The following TCEA3 variants were observed in gnomAD, a reference collection of about 807,000 sequenced individuals.
TCEA3 encodes the protein transcription elongation factor A protein 3.
In TCEA3, 36 loss-of-function variants were observed where a neutral mutation model predicts 44.0. That is an observed-to-expected ratio of 0.82 (90% CI 0.63 to 1.08). TCEA3 has a LOEUF of 1.08. Ranked by LOEUF, TCEA3 falls within the 50% of genes least tolerant of loss-of-function variation. TCEA3 has a pLI of 0.00. For synonymous variants in TCEA3, 162 were observed against 159.7 expected, an observed-to-expected ratio of 1.01 and a Z score of -0.11; for missense variants, 392 against 441.2, an observed-to-expected ratio of 0.89 and a Z score of 1.00.
chr1:23,423,943 C>G (rs1265259408), intron 1 of TCEA3: 2 of 449,630 alleles, frequency 4.4e-6, no homozygotes, highest in Non-Finnish European at 8.9e-6. Context: ...CCCGCGGGCC[C>G]CCGCACCTGT....
chr1:23,422,856 G>T (rs1037231852), intron 1 of TCEA3, among the ~76,000 whole-genome samples: 1 of 152,176 alleles, frequency 6.6e-6, no homozygotes, highest in Non-Finnish European at 1.5e-5. Context: ...AAAGGAGTGA[G>T]GGGGAGGCCA....
chr1:23,389,026 T>C (rs1352267248), intron 8 of TCEA3, among the ~76,000 whole-genome samples: 4 of 152,132 alleles, frequency 2.6e-5, no homozygotes, highest in African/African-American at 9.7e-5. Context: ...TTCTGGTACG[T>C]ATTAATGTTT....
intron 9 of TCEA3, 131 bp from the exon 10 acceptor site, chr1:23,384,548 C>T: frequency 1.2e-6 from 1 of 869,272 alleles, no homozygotes; most frequent in Non-Finnish European, 1.8e-6. Context: ...CTGGCAATTT[C>T]CTTATCACTG....
intron 5 of TCEA3, chr1:23,403,607 C>T (rs746822590): frequency 6.3e-6 from 1 of 158,060 alleles, no homozygotes; most frequent in Non-Finnish European, 1.4e-5. Context: ...TTTTACAGAT[C>T]AGTAGACTGA....
intron 10 of TCEA3, chr1:23,383,847 C>T: frequency 1.4e-5 from 14 of 987,962 alleles, no homozygotes; most frequent in Non-Finnish European, 1.6e-5. Context: ...GTCTGAGTTA[C>T]AGACTTGGGT....
In TCEA3 at chr1:23,417,971, C is replaced by T. The variant is rs1313737621; in HGVS notation, c.171G>A (p.Lys57=). ...ACACCACCTCCTTGTCTGAGCAGTGCTTGCGGACCCCATTAACAGCAACTC... is the reference window on the plus strand; with the variant it reads ...ACACCACCTCCTTGTCTGAGCAGTGTTTGCGGACCCCATTAACAGCAACTC... The part of the protein sequence containing the change: ...RIGVAVNGVR[K]HCSDKEVVSL... Residue 57 remains lysine (K), a synonymous_variant, in exon 3 of 11, where the codon AAG becomes AAA. Transcript: ENST00000450454. 2 of 1,614,082 alleles carry T rather than the reference C, an allele frequency of 1.2e-6. No homozygotes were observed. The highest frequency in any genetic ancestry group is 1.7e-6 in the Non-Finnish European group (2 of 1,179,898).
intron 7 of TCEA3, among the ~76,000 whole-genome samples, chr1:23,397,224 A>G (rs902796665): frequency 5.9e-5 from 9 of 151,948 alleles, no homozygotes; most frequent in Admixed American, 2.0e-4. Flanking sequence ...CTCTGCTACT[A>G]CTGTTAGCTG....
intron 1 of TCEA3, among the ~76,000 whole-genome samples, 196 bp downstream of exon 1, chr1:23,424,369 A>G (rs1640155282): frequency 6.6e-6 from 1 of 151,398 alleles, no homozygotes; most frequent in Admixed American, 6.6e-5. Context: ...GTCCTGGGCC[A>G]CGCACACGCC....
intron 4 of TCEA3, among the ~76,000 whole-genome samples, chr1:23,408,944 C>G (rs143274977): frequency 5.3e-5 from 8 of 152,264 alleles, no homozygotes; most frequent in African/African-American, 1.9e-4. Context: ...GGAAGGAAGT[C>G]GATATCTGCC....
intron 10 of TCEA3, among the ~76,000 whole-genome samples, chr1:23,382,050 T>C (rs1638684421): frequency 4.5e-5 from 1 of 22,304 alleles, no homozygotes; most frequent in African/African-American, 5.4e-5. Flanking sequence ...TCACTCCCAA[T>C]TTTTTTTTTT....
At chr1:23,419,539 A>T (rs1025625206) in intron 1 of TCEA3, among the ~76,000 whole-genome samples, 1 of 152,140 alleles carries the variant, frequency 6.6e-6, no homozygotes, top group Non-Finnish European at 1.5e-5. Context: ...CTTTTAAAAA[A>T]CAAAACAGAA....
At chr1:23,409,395 TA>T (rs1181409983) in intron 4 of TCEA3, among the ~76,000 whole-genome samples, 3 of 152,212 alleles carry the variant, frequency 2.0e-5, no homozygotes, top group African/African-American at 7.2e-5. Flanking sequence ...TGCATTCAGC[TA>T]CATTATTTTT....
intron 4 of TCEA3, among the ~76,000 whole-genome samples, chr1:23,416,118 T>C (rs978068246): frequency 5.3e-5 from 8 of 150,760 alleles, no homozygotes; most frequent in African/African-American, 1.7e-4. Flanking sequence ...GTGATTCTCC[T>C]GCCTCAGCCT....
intron 4 of TCEA3, among the ~76,000 whole-genome samples, chr1:23,416,749 C>A (rs1570288651): frequency 6.6e-6 from 1 of 152,334 alleles, no homozygotes; most frequent in East Asian, 1.9e-4. Context: ...GCCTCAGCCT[C>A]CCAAAGTGCT....
intron 8 of TCEA3, among the ~76,000 whole-genome samples, chr1:23,392,419 A>ACACACACACTCCACACATCATACACACTG (rs1639069553): frequency 1.5e-4 from 2 of 13,708 alleles, no homozygotes; most frequent in Non-Finnish European, 3.1e-4. Flanking sequence ...CATGCACAAT[A>ACACACACACTCCACACATCATACACACTG]CACACACACT....
At chr1:23,393,253 C>T (rs1397902270) in intron 8 of TCEA3, among the ~76,000 whole-genome samples, 3 of 152,150 alleles carry the variant, frequency 2.0e-5, no homozygotes, top group Admixed American at 6.5e-5. Context: ...GATGAAGCTT[C>T]GCTCACTTGC....
intron 1 of TCEA3, among the ~76,000 whole-genome samples, chr1:23,420,293 G>A (rs1377405348): frequency 6.6e-6 from 1 of 152,192 alleles, no homozygotes; most frequent in African/African-American, 2.4e-5. Flanking sequence ...CCAGGCTGGA[G>A]CGCAGTGGCA....
At chr1:23,391,526 C>T (rs1639027767) in intron 8 of TCEA3, among the ~76,000 whole-genome samples, 1 of 152,122 alleles carries the variant, frequency 6.6e-6, no homozygotes, top group Non-Finnish European at 1.5e-5. Context: ...ACCCCTCCAC[C>T]ATGTGAGGTT....
At chr1:23,418,101 C>T (rs1639946674) in intron 2 of TCEA3, 92 bp from the exon 3 acceptor site, 1 of 1,268,854 alleles carries the variant, frequency 7.9e-7, no homozygotes, top group Non-Finnish European at 1.1e-6. Flanking sequence ...TCTACCACCA[C>T]CTCCCCTTCC....
Sources: allele counts gnomAD v4.1 joint callset (sites outside exome capture counted in the v4.1 genomes callset), GRCh38; gene constraint gnomAD v4.1.1; transcripts MANE v1.5; gene names NCBI Gene and HGNC (gene_info 2026-07-23, HGNC 2026-07-21).